MAP2K1: variants seen among roughly 807,000 people sequenced by gnomAD.
The protein encoded by MAP2K1 is dual specificity mitogen-activated protein kinase kinase 1.
A neutral mutation model predicts 46.3 loss-of-function variants in MAP2K1; 16 were observed. The observed-to-expected ratio is 0.35, with a 90% CI of 0.23 to 0.52. The LOEUF (loss-of-function observed/expected upper bound fraction) is 0.52, where lower values mean the gene tolerates loss of function less well. Ranked by LOEUF, MAP2K1 falls within the 20% of genes least tolerant of loss-of-function variation. The probability of loss-of-function intolerance (pLI) is 0.94; values close to 1 mark genes in which losing one functional copy is unlikely to be tolerated. For missense variants in MAP2K1, 263 were observed against 497.1 expected (o/e 0.53, Z 4.48); for synonymous variants, 183 against 185.6 (o/e 0.99, Z 0.11).
intron 1 of MAP2K1, among the ~76,000 whole-genome samples, chr15:66,390,444 A>G (rs1274788856): frequency 1.3e-5 from 2 of 152,206 alleles, no homozygotes; most frequent in African/African-American, 4.8e-5. Context: ...TTTTGACAGT[A>G]AAGAACTCTT....
At chr15:66,444,015 A>G (rs936980004) in intron 4 of MAP2K1, among the ~76,000 whole-genome samples, 9 of 152,342 alleles carry the variant, frequency 5.9e-5, no homozygotes, top group African/African-American at 2.2e-4. Flanking sequence ...AGGCGGGCAG[A>G]TCACCTGAGG....
chr15:66,486,845 A>C (rs1329014227), intron 7 of MAP2K1, among the ~76,000 whole-genome samples: 2 of 152,240 alleles, frequency 1.3e-5, no homozygotes, highest in East Asian at 3.8e-4. Context: ...TCTAGGAGAC[A>C]AAAGGAAGAA....
At chr15:66,474,047 C>T (rs565609606) in intron 5 of MAP2K1, among the ~76,000 whole-genome samples, 12 of 152,238 alleles carry the variant, frequency 7.9e-5, no homozygotes, top group African/African-American at 1.2e-4. Context: ...GCTCCTGCAA[C>T]ATCATCTCAT....
intron 6 of MAP2K1, among the ~76,000 whole-genome samples, chr15:66,484,142 C>A (rs77428206): frequency 0.11 from 16,032 of 151,212 alleles, 1,011 homozygotes; most frequent in East Asian, 0.33. Flanking sequence ...AGCCACCACC[C>A]CCCCCCACCT....
Position 66,490,631 on chromosome 15 carries a change from C to G in MAP2K1, c.*16C>G. On this transcript the variant is annotated 3_prime_UTR_variant, in exon 11 of 11. Transcript: ENST00000307102. The stretch of plus-strand genomic sequence containing the variant: ...TGGCGTCTAAGTGTTTGGGAAGCAA[C>G]AAAGAGCGAGTCCCCTGCCCGGTGG... The G allele has an allele frequency of 1.9e-6, 3 of 1,601,764 alleles. No homozygotes were observed. Among genetic ancestry groups the G allele is most frequent in the Non-Finnish European group, 2.6e-6 (3 of 1,168,682 alleles).
At position 66,490,760 on chromosome 15, in the gene MAP2K1, C is replaced by G. The variant is rs1893229605; in HGVS notation, c.*145C>G. 1 of 715,914 alleles carries G rather than the reference C, an allele frequency of 1.4e-6. No homozygotes were observed. The highest frequency in any genetic ancestry group is 1.5e-5 in the South Asian group (1 of 68,372). 44.3% of individuals were successfully genotyped at this position (715,914 alleles called of 1,614,324 possible). On this transcript the variant is annotated 3_prime_UTR_variant, in exon 11 of 11. Coordinates refer to ENST00000307102, the MANE Select transcript of MAP2K1 (RefSeq NM_002755.4). ...GAACACAGCATGTGCCAAGATTCTACTCTTGTCATTTTTAATATTACTGTC... is the reference window on the plus strand; with the variant it reads ...GAACACAGCATGTGCCAAGATTCTAGTCTTGTCATTTTTAATATTACTGTC...
chr15:66,387,041 TGAGA>T lies in MAP2K1; in HGVS notation c.-297_-294del, dbSNP rs548883212. On this transcript the variant is annotated 5_prime_UTR_variant, in exon 1 of 11. Coordinates refer to ENST00000307102, the MANE Select transcript of MAP2K1 (RefSeq NM_002755.4). ...GCCCGAGCCGGAGGGACTGGTTGGT[TGAGA>T]GAGAGAGAGGAAGGGAATCCCGGGC... 1.8e-5 allele frequency: 6 copies of T among 334,088 alleles called. No homozygotes were observed. Among genetic ancestry groups the T allele is most frequent in the East Asian group, 4.8e-5 (1 of 21,022 alleles). 20.7% of individuals were successfully genotyped at this position (334,088 alleles called of 1,614,324 possible).
At chr15:66,439,499 G>A (rs758642062) in intron 3 of MAP2K1, among the ~76,000 whole-genome samples, 32 of 152,144 alleles carry the variant, frequency 2.1e-4, no homozygotes, top group Non-Finnish European at 4.4e-4. Context: ...AGACACGGTA[G>A]CTCACACCTG....
intron 1 of MAP2K1, among the ~76,000 whole-genome samples, chr15:66,395,471 C>T (rs567500809): frequency 6.6e-6 from 1 of 152,102 alleles, no homozygotes; most frequent in East Asian, 1.9e-4. Context: ...ACTCTCCTCA[C>T]TGTGCCACCA....
At chr15:66,408,502 A>G (rs755027422) in intron 1 of MAP2K1, among the ~76,000 whole-genome samples, 9 of 151,582 alleles carry the variant, frequency 5.9e-5, no homozygotes, top group Non-Finnish European at 1.2e-4. Context: ...TCTTCTCCCA[A>G]GAGTTTAAGG....
chr15:66,463,137 G>T (rs1203314776), intron 5 of MAP2K1, among the ~76,000 whole-genome samples: 2 of 152,204 alleles, frequency 1.3e-5, no homozygotes, highest in South Asian at 2.1e-4. Flanking sequence ...TGTGGGTGGG[G>T]CTCCTTCGGG....
chr15:66,461,964 G>T (rs964222717), intron 5 of MAP2K1, among the ~76,000 whole-genome samples: 2 of 152,196 alleles, frequency 1.3e-5, no homozygotes, highest in Non-Finnish European at 2.9e-5. Context: ...CTGACCAAGT[G>T]TTGTGTAATA....
Position 66,436,901 on chromosome 15 carries a change from C to T in MAP2K1, c.438+9C>T, listed in dbSNP as rs759930943. On this transcript the variant is annotated intron_variant, in intron 3 of 10. Coordinates refer to ENST00000307102, the MANE Select transcript of MAP2K1 (RefSeq NM_002755.4). ...TCTGCATGGAGCACATGGTATGTGA[C>T]ACCCTCTCAGCCTCTGGAGCAATGG... 2 of 1,614,016 alleles carry T rather than the reference C, an allele frequency of 1.2e-6. No homozygotes were observed. The highest frequency in any genetic ancestry group is 1.1e-5 in the South Asian group (1 of 91,080).
intron 1 of MAP2K1, among the ~76,000 whole-genome samples, chr15:66,395,399 A>G (rs745981555): frequency 5.9e-5 from 9 of 152,068 alleles, no homozygotes; most frequent in Non-Finnish European, 7.4e-5. Context: ...TGCCTTGCCT[A>G]TCTAGCTTAA....
At chr15:66,484,677 A>G (rs1208122042) in intron 6 of MAP2K1, among the ~76,000 whole-genome samples, 1 of 149,502 alleles carries the variant, frequency 6.7e-6, no homozygotes, top group African/African-American at 2.6e-5. Context: ...CGTGTGCAAG[A>G]CTGTGGCCAA....
intron 1 of MAP2K1, among the ~76,000 whole-genome samples, chr15:66,422,102 G>A (rs753274956): frequency 2.0e-5 from 3 of 152,100 alleles, no homozygotes; most frequent in Non-Finnish European, 4.4e-5. Flanking sequence ...TAACTACATT[G>A]TGCATTTTCC....
intron 1 of MAP2K1, among the ~76,000 whole-genome samples, chr15:66,431,369 GAT>G (rs1375588953): frequency 6.6e-6 from 1 of 152,084 alleles, no homozygotes; most frequent in African/African-American, 2.4e-5. Context: ...TTTCATTATT[GAT>G]ATCTTTTTAA....
chr15:66,464,737 C>G (rs555846051), intron 5 of MAP2K1, among the ~76,000 whole-genome samples: 10 of 151,626 alleles, frequency 6.6e-5, no homozygotes, highest in Admixed American at 1.3e-4. Flanking sequence ...GTTGGTCACG[C>G]TGTGGTCTCG....
intron 5 of MAP2K1, among the ~76,000 whole-genome samples, chr15:66,469,249 C>T (rs1161211124): frequency 6.6e-6 from 1 of 152,196 alleles, no homozygotes; most frequent in African/African-American, 2.4e-5. Flanking sequence ...GAGCAAGACT[C>T]CGTCTCAAAA....
Sources: gnomAD v4.1 joint callset for allele counts (sites outside exome capture counted in the v4.1 genomes callset) on GRCh38, gnomAD v4.1.1 for gene constraint, MANE v1.5 for transcripts, NCBI Gene and HGNC (gene_info 2026-07-23, HGNC 2026-07-21) for gene names.